The following NAALADL2 variants were observed in gnomAD, a reference collection of about 807,000 sequenced individuals.
The protein encoded by NAALADL2 is N-acetylated alpha-linked acidic dipeptidase like 2.
In NAALADL2, 76 loss-of-function variants were observed where a neutral mutation model predicts 87.2. The ratio of observed to expected loss-of-function variants is 0.87; its 90% confidence interval spans 0.72 to 1.05. The LOEUF is 1.05. NAALADL2 is among the 50% of genes least tolerant of loss of function. The pLI is 0.00. For synonymous variants in NAALADL2, 354 were observed against 331.0 expected (o/e 1.07, Z -0.75); for missense variants, 1,089 against 945.8 (o/e 1.15, Z -1.99).
intron 9 of NAALADL2, among the ~76,000 whole-genome samples, chr3:175,534,793 G>C (rs140512001): frequency 2.0e-5 from 3 of 151,442 alleles, no homozygotes; most frequent in Non-Finnish European, 4.4e-5. Context: ...AGGATTTATT[G>C]GTTCTATGAT....
At chr3:175,714,243 C>T (rs1405523633) in intron 11 of NAALADL2, among the ~76,000 whole-genome samples, 3 of 152,108 alleles carry the variant, frequency 2.0e-5, no homozygotes, top group African/African-American at 7.2e-5. Context: ...TGGGTATATA[C>T]CCAGTTATGG....
chr3:174,807,539 G>T (rs750143993), intron 3 of NAALADL2, among the ~76,000 whole-genome samples: 27 of 151,898 alleles, frequency 1.8e-4, no homozygotes, highest in Admixed American at 3.3e-4. Context: ...TTGCTTATTT[G>T]ACATGTTGCC....
chr3:175,186,608 T>G (rs898134453), intron 2 of NAALADL2, among the ~76,000 whole-genome samples: 1 of 152,118 alleles, frequency 6.6e-6, no homozygotes, highest in Admixed American at 6.5e-5. Flanking sequence ...CTTTGTTAAA[T>G]ATAGCTTGCT....
chr3:174,885,875 T>G (rs1730046098), intron 1 of NAALADL2, among the ~76,000 whole-genome samples: 2 of 87,640 alleles, frequency 2.3e-5, no homozygotes, highest in South Asian at 4.5e-4. Flanking sequence ...CAGTCCGAGT[T>G]GTTTTTTTTT....
intron 2 of NAALADL2, among the ~76,000 whole-genome samples, chr3:174,681,842 C>A (rs1175880156): frequency 6.6e-6 from 1 of 152,144 alleles, no homozygotes; most frequent in Non-Finnish European, 1.5e-5. Flanking sequence ...CTTGTTGGGT[C>A]CCTGATTCCA....
chr3:175,396,359 C>T (rs1769783626), intron 5 of NAALADL2, among the ~76,000 whole-genome samples: 1 of 151,890 alleles, frequency 6.6e-6, no homozygotes. Flanking sequence ...ATTAAAAATG[C>T]CAAGATTTTT....
intron 5 of NAALADL2, among the ~76,000 whole-genome samples, chr3:175,375,924 C>G (rs1253258953): frequency 1.3e-5 from 2 of 151,794 alleles, no homozygotes; most frequent in African/African-American, 4.8e-5. Flanking sequence ...CTTTTTCTGC[C>G]CTACCCTCAG....
intron 10 of NAALADL2, among the ~76,000 whole-genome samples, chr3:175,626,765 C>A (rs951273715): frequency 2.1e-4 from 32 of 151,872 alleles, no homozygotes; most frequent in African/African-American, 7.5e-4. Context: ...CTTTCCACCT[C>A]TTAAGTATTG....
intron 11 of NAALADL2, among the ~76,000 whole-genome samples, chr3:175,665,238 C>G (rs1732797252): frequency 2.6e-5 from 4 of 152,172 alleles, no homozygotes; most frequent in Admixed American, 2.6e-4. Context: ...CAAACAGTTA[C>G]AAGGCTGTAT....
chr3:174,771,885 G>T (rs1714610770), intron 3 of NAALADL2, among the ~76,000 whole-genome samples: 1 of 152,104 alleles, frequency 6.6e-6, no homozygotes, highest in Non-Finnish European at 1.5e-5. Context: ...AAGTGATGGA[G>T]AAATAAGGAA....
intron 5 of NAALADL2, among the ~76,000 whole-genome samples, chr3:175,396,282 C>T (rs1769768136): frequency 1.3e-5 from 2 of 151,788 alleles, no homozygotes; most frequent in African/African-American, 4.8e-5. Context: ...GAAAATACTC[C>T]CAAGAGTAGG....
intron 5 of NAALADL2, among the ~76,000 whole-genome samples, chr3:175,399,201 A>C (rs1770234780): frequency 6.6e-6 from 1 of 152,130 alleles, no homozygotes; most frequent in South Asian, 2.1e-4. Context: ...TGCAAGAATT[A>C]ATATTACTGA....
intron 11 of NAALADL2, among the ~76,000 whole-genome samples, chr3:175,633,173 A>T (rs1237657406): frequency 1.3e-5 from 2 of 152,126 alleles, no homozygotes; most frequent in Admixed American, 1.3e-4. Flanking sequence ...CTGCTCACTC[A>T]TTATAACTTT....
intron 1 of NAALADL2, among the ~76,000 whole-genome samples, chr3:174,514,683 T>G (rs1719812196): frequency 6.6e-6 from 1 of 152,138 alleles, no homozygotes; most frequent in Admixed American, 6.5e-5. Context: ...ATGTTATTGT[T>G]TATTCTTTCC....
At chr3:175,013,298 TA>T (rs1315885629) in intron 1 of NAALADL2, among the ~76,000 whole-genome samples, 4,655 of 69,450 alleles carry the variant, frequency 0.067, 349 homozygotes, top group African/African-American at 0.14. Context: ...TATATATATA[TA>T]TATTTTTTTT....
intron 10 of NAALADL2, among the ~76,000 whole-genome samples, chr3:175,617,950 C>A (rs894445444): frequency 6.6e-6 from 1 of 152,110 alleles, no homozygotes; most frequent in Non-Finnish European, 1.5e-5. Context: ...ATTTCATCAT[C>A]GGGGTCCCAT....
intron 11 of NAALADL2, among the ~76,000 whole-genome samples, chr3:175,687,360 G>A (rs751451230): frequency 6.6e-6 from 1 of 152,130 alleles, no homozygotes; most frequent in Non-Finnish European, 1.5e-5. Flanking sequence ...GTATTATGCC[G>A]TTGTGGCCCA....
At chr3:175,241,027 G>A (rs1355130683) in intron 3 of NAALADL2, among the ~76,000 whole-genome samples, 5 of 152,000 alleles carry the variant, frequency 3.3e-5, no homozygotes, top group African/African-American at 1.2e-4. Context: ...TTTTTCTATT[G>A]TAAAAATCCA....
At chr3:175,181,371 C>A (rs542513628) in intron 2 of NAALADL2, among the ~76,000 whole-genome samples, 2 of 151,886 alleles carry the variant, frequency 1.3e-5, no homozygotes, top group South Asian at 4.1e-4. Context: ...TGTATAGTGA[C>A]TGAATCAAAC....
Sources: gnomAD v4.1 joint callset for allele counts (sites outside exome capture counted in the v4.1 genomes callset) on GRCh38, gnomAD v4.1.1 for gene constraint, MANE v1.5 for transcripts, NCBI Gene and HGNC (gene_info 2026-07-23, HGNC 2026-07-21) for gene names.